RBFOX1: variants seen among roughly 807,000 people sequenced by gnomAD.
RBFOX1 encodes the protein RNA binding fox-1 homolog 1.
Under a neutral mutation model 57.7 loss-of-function variants are expected in RBFOX1, and 8 were observed. That is an observed-to-expected ratio of 0.14 (90% CI 0.08 to 0.25). RBFOX1 has a LOEUF of 0.25. RBFOX1 is among the 10% of genes least tolerant of loss of function. RBFOX1 has a pLI of 1.00. For synonymous variants in RBFOX1, 326 were observed against 222.4 expected, an observed-to-expected ratio of 1.47 and a Z score of -4.15; for missense variants, 611 against 548.5, an observed-to-expected ratio of 1.11 and a Z score of -1.14.
intron 2 of RBFOX1, among the ~76,000 whole-genome samples, chr16:6,458,019 A>AAG (rs989485503): frequency 6.6e-6 from 1 of 151,726 alleles, no homozygotes; most frequent in Non-Finnish European, 1.5e-5. Flanking sequence ...CTGAAAAAAA[A>AAG]AAGAATCTCT....
At chr16:6,382,650 A>T (rs553973696) in intron 2 of RBFOX1, among the ~76,000 whole-genome samples, 1 of 152,254 alleles carries the variant, frequency 6.6e-6, no homozygotes, top group South Asian at 2.1e-4. Flanking sequence ...ATCTGAGGTT[A>T]GGAGTTCTAG....
In RBFOX1 at chr16:7,442,781, G is replaced by A. The variant is rs536727055; in HGVS notation, c.28-75366G>A. ...AATAGAAACCATGGCCTCAGACGTC[G>A]ATCGTCACCCACCAGATCAGCTAAT... On this transcript the variant is annotated intron_variant, in intron 4 of 15. Transcript: ENST00000550418. 2.0e-5 allele frequency among the ~76,000 whole-genome samples: 3 copies of A among 152,270 alleles called. No individual in the cohort carries two copies. In the South Asian group the frequency reaches 6.2e-4, roughly 32 times the overall value.
chr16:7,116,985 TG>T (rs1303012187), intron 4 of RBFOX1, among the ~76,000 whole-genome samples: 2 of 152,162 alleles, frequency 1.3e-5, no homozygotes, highest in African/African-American at 4.8e-5. Flanking sequence ...GAGAAGGGTT[TG>T]TTTCCTCTGA....
intron 4 of RBFOX1, among the ~76,000 whole-genome samples, chr16:7,075,675 G>A (rs142014444): frequency 0.039 from 5,872 of 152,194 alleles, 371 homozygotes; most frequent in African/African-American, 0.13. Flanking sequence ...CCGCCTCTCA[G>A]GTTCACACCA....
chr16:7,150,374 T>G (rs575812044), intron 4 of RBFOX1, among the ~76,000 whole-genome samples: 1 of 152,110 alleles, frequency 6.6e-6, no homozygotes, highest in Non-Finnish European at 1.5e-5. Context: ...GCCCTATGAT[T>G]TGAGATTATT....
chr16:6,581,123 C>T (rs1330641045), intron 2 of RBFOX1, among the ~76,000 whole-genome samples: 2 of 152,100 alleles, frequency 1.3e-5, no homozygotes, highest in East Asian at 1.9e-4. Flanking sequence ...ACTCTAAGTG[C>T]CAGGTAGGTC....
Position 6,751,526 on chromosome 16 carries a change from G to A in RBFOX1, c.-16+96876G>A, listed in dbSNP as rs780688871. 1.1e-4 allele frequency among the ~76,000 whole-genome samples: 16 copies of A among 152,250 alleles called. No homozygotes were observed. The Middle Eastern group carries it at 0.01, about 97-fold the overall frequency. ...CCTCACTTGTAGGTGAAATGATTTTGGAGTCACTAGTTGGATAAAGAACTA... is the reference window on the plus strand; with the variant it reads ...CCTCACTTGTAGGTGAAATGATTTTAGAGTCACTAGTTGGATAAAGAACTA... On this transcript the variant is annotated intron_variant, in intron 3 of 15. Coordinates refer to ENST00000550418, the MANE Select transcript of RBFOX1 (RefSeq NM_018723.4).
chr16:6,908,276 G>C (rs989111922), intron 3 of RBFOX1, among the ~76,000 whole-genome samples: 2 of 151,614 alleles, frequency 1.3e-5, no homozygotes, highest in African/African-American at 2.4e-5. Flanking sequence ...CCTCTCCTGC[G>C]GCTCTGGGCA....
chr16:5,524,445 A>T (rs905446401), intron 2 of RBFOX1, among the ~76,000 whole-genome samples: 1 of 152,088 alleles, frequency 6.6e-6, no homozygotes, highest in Non-Finnish European at 1.5e-5. Flanking sequence ...TGCAGTGAAC[A>T]TATGTGTGCA....
intron 3 of RBFOX1, among the ~76,000 whole-genome samples, chr16:5,731,503 G>T (rs1345518605): frequency 2.0e-5 from 3 of 152,232 alleles, no homozygotes; most frequent in African/African-American, 7.2e-5. Flanking sequence ...CAGATGAGTA[G>T]GAGGGGCCGT....
intron 3 of RBFOX1, among the ~76,000 whole-genome samples, chr16:6,780,919 A>G (rs1253168471): frequency 7.9e-5 from 12 of 152,170 alleles, no homozygotes; most frequent in African/African-American, 2.9e-4. Flanking sequence ...GGTAGTTGGC[A>G]AATGTTTTCT....
At chr16:7,104,170 G>A (rs1024482608) in intron 4 of RBFOX1, among the ~76,000 whole-genome samples, 2 of 152,140 alleles carry the variant, frequency 1.3e-5, no homozygotes, top group African/African-American at 2.4e-5. Flanking sequence ...TAACAAAGTA[G>A]CATTGATTTG....
intron 3 of RBFOX1, among the ~76,000 whole-genome samples, chr16:6,836,249 C>T (rs1231755908): frequency 2.6e-5 from 4 of 152,130 alleles, no homozygotes; most frequent in African/African-American, 9.7e-5. Flanking sequence ...CCTAACTTCC[C>T]ATCTGGCTTC....
chr16:5,287,719 G>A (rs143280384), intron 1 of RBFOX1, among the ~76,000 whole-genome samples: 246 of 152,290 alleles, frequency 1.6e-3, no homozygotes, highest in African/African-American at 5.5e-3. Flanking sequence ...AGGAGTGAGC[G>A]AGCACAAATG....
At chr16:7,386,571 C>G (rs1027775007) in intron 4 of RBFOX1, among the ~76,000 whole-genome samples, 3 of 152,028 alleles carry the variant, frequency 2.0e-5, no homozygotes, top group African/African-American at 7.2e-5. Flanking sequence ...TTTTTTATGG[C>G]TGCATAGTAT....
intron 3 of RBFOX1, among the ~76,000 whole-genome samples, chr16:7,007,756 A>G (rs938159275): frequency 3.3e-5 from 5 of 152,188 alleles, no homozygotes; most frequent in African/African-American, 1.2e-4. Flanking sequence ...ATTTCCCTAC[A>G]TGCAGGTCCT....
chr16:6,032,605 G>C (rs1391412068), intron 1 of RBFOX1, among the ~76,000 whole-genome samples: 1 of 152,092 alleles, frequency 6.6e-6, no homozygotes, highest in East Asian at 1.9e-4. Context: ...TGGAACAAAT[G>C]CTTGTCTTAA....
At chr16:5,410,852 A>C (rs2067001801) in intron 1 of RBFOX1, among the ~76,000 whole-genome samples, 1 of 152,256 alleles carries the variant, frequency 6.6e-6, no homozygotes, top group African/African-American at 2.4e-5. Context: ...AGTGAGTCAT[A>C]TACGCATGGA....
chr16:6,780,033 A>T (rs1264101726), intron 3 of RBFOX1, among the ~76,000 whole-genome samples: 2 of 27,134 alleles, frequency 7.4e-5, no homozygotes, highest in Non-Finnish European at 1.1e-4. Flanking sequence ...ATTTATATAT[A>T]TTTATATATA....
Sources: gnomAD v4.1 joint callset for allele counts (sites outside exome capture counted in the v4.1 genomes callset) on GRCh38, gnomAD v4.1.1 for gene constraint, MANE v1.5 for transcripts, NCBI Gene and HGNC (gene_info 2026-07-23, HGNC 2026-07-21) for gene names.